The following ZNF385D variants were observed in gnomAD, a reference collection of about 807,000 sequenced individuals.
ZNF385D encodes the protein zinc finger protein 659.
A neutral mutation model predicts 35.8 loss-of-function variants in ZNF385D; 15 were observed. That is an observed-to-expected ratio of 0.42 (90% confidence interval 0.28 to 0.64). ZNF385D has a LOEUF of 0.64. ZNF385D is among the 30% of genes least tolerant of loss of function. The probability of loss-of-function intolerance (pLI) is 0.23; values close to 1 mark genes in which losing one functional copy is unlikely to be tolerated. For synonymous variants in ZNF385D, 212 were observed against 186.8 expected (o/e 1.13, Z -1.10); for missense variants, 474 against 494.6 (o/e 0.96, Z 0.39).
At chr3:22,139,792 A>G (rs190788137) in intron 3 of ZNF385D, among the ~76,000 whole-genome samples, 3 of 152,310 alleles carry the variant, frequency 2.0e-5, no homozygotes, top group Admixed American at 2.0e-4. Context: ...TAGTTCATTA[A>G]GTAGAGATAT....
chr3:22,096,726 G>T (rs148689363), intron 3 of ZNF385D, among the ~76,000 whole-genome samples: 2 of 151,998 alleles, frequency 1.3e-5, no homozygotes, highest in Non-Finnish European at 2.9e-5. Flanking sequence ...TCCCCACGCT[G>T]TTCTATGTGT....
At position 22,223,109 on chromosome 3, in the gene ZNF385D, T is replaced by C. The variant is rs116752987; in HGVS notation, c.107-54074A>G. On this transcript the variant is annotated intron_variant, in intron 2 of 5. Transcript: ENST00000494108. ...CATTTAAAGTTTTTAATGTAAGAACTATGATAATTATATTTTAGTTCTCTA... is the reference window on the plus strand; with the variant it reads ...CATTTAAAGTTTTTAATGTAAGAACCATGATAATTATATTTTAGTTCTCTA... Among the ~76,000 whole-genome samples, 1,055 of 152,302 alleles carry C rather than the reference T, an allele frequency of 6.9e-3. 7 individuals carry two copies. The highest frequency in any genetic ancestry group is 0.024 in the African/African-American group (984 of 41,582).
At position 21,534,217 on chromosome 3, in the gene ZNF385D, A is replaced by C. The variant is rs138406962; in HGVS notation, c.277-23194T>G. ...TCCAAGTCCTTTATCTTTCCATTTC[A>C]CAAAGCTGGAGCAAATAGTAACCTG... On this transcript the variant is annotated intron_variant, in intron 3 of 7. Transcript: ENST00000281523. Among the ~76,000 whole-genome samples the C allele has an allele frequency of 2.6e-3, 391 of 152,186 alleles. 3 individuals are homozygous for C. Among genetic ancestry groups the C allele is most frequent in the African/African-American group, 9.2e-3 (383 of 41,550 alleles).
At chr3:21,914,730 T>C (rs1275373122) in intron 3 of ZNF385D, among the ~76,000 whole-genome samples, 1 of 152,082 alleles carries the variant, frequency 6.6e-6, no homozygotes, top group African/African-American at 2.4e-5. Flanking sequence ...ATGTGCAGCA[T>C]CTTAAGAAAG....
At chr3:22,030,380 C>G (rs1238627871) in intron 3 of ZNF385D, among the ~76,000 whole-genome samples, 6 of 140,664 alleles carry the variant, frequency 4.3e-5, no homozygotes, top group Non-Finnish European at 7.7e-5. Context: ...GTTTAAGAGG[C>G]CTCAGGAAAC....
chr3:22,023,326 A>C (rs1697335246), intron 3 of ZNF385D, among the ~76,000 whole-genome samples: 1 of 152,152 alleles, frequency 6.6e-6, no homozygotes, highest in Non-Finnish European at 1.5e-5. Flanking sequence ...TTTAGAGTCC[A>C]TATGCTTTAA....
chr3:21,543,925 C>T (rs2062279765), intron 3 of ZNF385D, among the ~76,000 whole-genome samples: 1 of 152,126 alleles, frequency 6.6e-6, no homozygotes, highest in Non-Finnish European at 1.5e-5. Flanking sequence ...AAGTAAGTTT[C>T]TTTCTGGTTT....
chr3:21,757,013 T>C (rs929966943), intron 3 of ZNF385D, among the ~76,000 whole-genome samples: 5 of 151,566 alleles, frequency 3.3e-5, no homozygotes, highest in Non-Finnish European at 5.9e-5. Context: ...ATTAATTGCC[T>C]ACAAGAAAAA....
chr3:21,885,952 A>G (rs1391752306), intron 3 of ZNF385D, among the ~76,000 whole-genome samples: 1 of 152,048 alleles, frequency 6.6e-6, no homozygotes, highest in Non-Finnish European at 1.5e-5. Flanking sequence ...GTCCACCCAT[A>G]TGTGAAGAAT....
chr3:22,346,730 C>T (rs532055595), intron 2 of ZNF385D, among the ~76,000 whole-genome samples: 4 of 152,250 alleles, frequency 2.6e-5, no homozygotes, highest in African/African-American at 9.6e-5. Flanking sequence ...ATTCAGTTCC[C>T]TTCTCTCACC....
At chr3:22,297,874 C>T (rs140121444) in intron 2 of ZNF385D, among the ~76,000 whole-genome samples, 6 of 152,090 alleles carry the variant, frequency 3.9e-5, no homozygotes, top group Non-Finnish European at 7.4e-5. Flanking sequence ...ACGTACAACG[C>T]GTATTTTCAT....
intron 3 of ZNF385D, among the ~76,000 whole-genome samples, chr3:22,097,798 A>G (rs1477914514): frequency 6.6e-6 from 1 of 152,058 alleles, no homozygotes; most frequent in East Asian, 1.9e-4. Context: ...GGGCACTAGG[A>G]ACCACATTTC....
chr3:22,098,494 G>C (rs1264609798), intron 3 of ZNF385D, among the ~76,000 whole-genome samples: 6 of 152,010 alleles, frequency 3.9e-5, no homozygotes, highest in Non-Finnish European at 5.9e-5. Flanking sequence ...ATTAGAAATT[G>C]ATTTAATTAT....
At chr3:21,908,582 G>A (rs1699811067) in intron 3 of ZNF385D, among the ~76,000 whole-genome samples, 2 of 152,078 alleles carry the variant, frequency 1.3e-5, no homozygotes, top group African/African-American at 4.8e-5. Flanking sequence ...ATCAAGGAAA[G>A]ATTACCTACA....
intron 1 of ZNF385D, among the ~76,000 whole-genome samples, chr3:21,676,488 G>T (rs558339042): frequency 2.6e-5 from 4 of 152,102 alleles, no homozygotes; most frequent in Admixed American, 6.6e-5. Flanking sequence ...TCCCAAAAAG[G>T]ATTTACTTTA....
At chr3:22,119,982 T>C (rs560693204) in intron 3 of ZNF385D, among the ~76,000 whole-genome samples, 1 of 103,962 alleles carries the variant, frequency 9.6e-6, no homozygotes, top group East Asian at 3.1e-4. Context: ...ATACTCAATT[T>C]TTTTTCTTTT....
chr3:22,369,730 CAAAAT>C (rs1282259233), intron 2 of ZNF385D, among the ~76,000 whole-genome samples: 1 of 152,088 alleles, frequency 6.6e-6, no homozygotes, highest in African/African-American at 2.4e-5. Context: ...TCATCACTCT[CAAAAT>C]AAAGTATAAT....
intron 3 of ZNF385D, among the ~76,000 whole-genome samples, chr3:22,167,585 T>C (rs1456274004): frequency 2.0e-5 from 3 of 152,104 alleles, no homozygotes; most frequent in Admixed American, 6.5e-5. Context: ...CCCTCTGCCC[T>C]CTAATAAGCA....
rs569104867 is a variant in ZNF385D at position 22,304,547 on chromosome 3, G to A, written c.106+67903C>T. 2.0e-5 allele frequency among the ~76,000 whole-genome samples: 3 copies of A among 152,160 alleles called. No homozygotes were observed. The East Asian group carries it at 5.8e-4, about 29-fold the overall frequency. On this transcript the variant is annotated intron_variant, in intron 2 of 5. Coordinates refer to the ZNF385D transcript ENST00000494108. The stretch of plus-strand genomic sequence containing the variant: ...GGGCCCTTGTTGGAAATAATTATTT[G>A]AAATATTTTTAATATCTTCTATGGT...
Sources: gnomAD v4.1 joint callset for allele counts (sites outside exome capture counted in the v4.1 genomes callset) on GRCh38, gnomAD v4.1.1 for gene constraint, MANE v1.5 for transcripts, NCBI Gene and HGNC (gene_info 2026-07-23, HGNC 2026-07-21) for gene names.